Variants in SYNE2 observed in about 807,000 individuals in gnomAD.
SYNE2 encodes the protein spectrin repeat containing nuclear envelope protein 2, also known as nesprin-2.
Under a neutral mutation model 856.3 loss-of-function variants are expected in SYNE2, and 431 were observed. The observed-to-expected ratio is 0.50, with a 90% CI of 0.47 to 0.55. SYNE2 has a LOEUF of 0.55. Among genes scored for constraint, SYNE2 ranks in the 20% least tolerant of loss-of-function variants. The pLI, the probability that SYNE2 is intolerant of heterozygous loss-of-function variation, is 0.00. For missense variants in SYNE2, 8,129 were observed against 8,023.2 expected, an observed-to-expected ratio of 1.01 and a Z score of -0.50; for synonymous variants, 2,923 against 2,872.3, an observed-to-expected ratio of 1.02 and a Z score of -0.56.
chr14:63,766,815 C>A (rs1469068237), intron 1 of SYNE2, among the ~76,000 whole-genome samples: 2 of 152,120 alleles, frequency 1.3e-5, no homozygotes, highest in Admixed American at 6.6e-5. Flanking sequence ...CCTTAGATCT[C>A]CTTCTTTGTT....
At chr14:63,777,219 TA>T (rs1887144305) in intron 1 of SYNE2, among the ~76,000 whole-genome samples, 2 of 152,246 alleles carry the variant, frequency 1.3e-5, no homozygotes, top group African/African-American at 4.8e-5. Flanking sequence ...CCTTGACTGC[TA>T]TGACAGAATA....
chr14:63,995,346 C>T (rs2096704967), intron 23 of SYNE2, 144 bp downstream of exon 23: 2 of 640,812 alleles, frequency 3.1e-6, no homozygotes, highest in Non-Finnish European at 5.4e-6. Context: ...TTCTTTGCTT[C>T]ACACTCGCAG....
intron 64 of SYNE2, among the ~76,000 whole-genome samples, chr14:64,103,996 C>T (rs555979615): frequency 5.3e-5 from 8 of 152,296 alleles, no homozygotes; most frequent in African/African-American, 9.6e-5. Flanking sequence ...ACACCTGATA[C>T]GATTTCATGA....
At chr14:64,215,542 A>G (rs993161072) in intron 107 of SYNE2, 188 bp downstream of exon 107, 1 of 681,444 alleles carries the variant, frequency 1.5e-6, no homozygotes, top group Non-Finnish European at 2.6e-6. Flanking sequence ...AACCCCATCC[A>G]AGCCAGAGCC....
In SYNE2 at chr14:64,027,706, C is replaced by T. The variant is rs1377354872; in HGVS notation, c.6627C>T (p.Leu2209=). ...LKELKSQGNY[L]LECTKNPSFS... is the part of the protein sequence containing the mutation. ...AGTTAAAATCTCAGGGAAACTACCT[C>T]TTGGAGTGCACTAAAAATCCCAGCT... Residue 2209 remains leucine, a synonymous_variant, in exon 43 of 116, where the codon CTC becomes CTT. Transcript: ENST00000555002. 1 of 1,614,094 alleles carries T rather than the reference C, an allele frequency of 6.2e-7. No homozygotes were observed. The highest frequency in any genetic ancestry group is 2.2e-5 in the East Asian group (1 of 44,860).
chr14:63,810,002 A>G, intron 1 of SYNE2, among the ~76,000 whole-genome samples: 1 of 152,150 alleles, frequency 6.6e-6, no homozygotes, highest in East Asian at 1.9e-4. Flanking sequence ...GCAGGAGGAT[A>G]TCTTAAGGCC....
chr14:63,908,967 G>A, intron 1 of SYNE2, 131 bp from the exon 2 acceptor site: 3 of 612,258 alleles, frequency 4.9e-6, no homozygotes, highest in East Asian at 2.9e-5. Flanking sequence ...CATGAACCAT[G>A]GAAGCACATA....
chr14:64,090,562 G>C (rs1315430834), intron 59 of SYNE2, among the ~76,000 whole-genome samples: 1 of 152,150 alleles, frequency 6.6e-6, no homozygotes, highest in Non-Finnish European at 1.5e-5. Flanking sequence ...ATTGCTCACT[G>C]CCTAGTGACA....
chr14:64,165,515 C>CTTTTT lies in SYNE2; in HGVS notation c.16605+107_16605+108insTTTTT. On this transcript the variant is annotated intron_variant, in intron 90 of 115. Coordinates refer to ENST00000555002, the MANE Select transcript of SYNE2 (RefSeq NM_182914.3). ...TGGAATGCTTGCATCCTAACTCACT[C>CTTTTT]TTATTTTTTTTTTTTGAGACGGACT... 7 of 1,289,162 alleles carry CTTTTT rather than the reference C, an allele frequency of 5.4e-6. No homozygotes were observed. The African/African-American group carries it at 1.0e-4, about 19-fold the overall frequency. The allele number at this position is 1,289,162 out of a possible 1,614,324, so 79.9% of individuals were successfully genotyped here.
chr14:64,074,671 A>G (rs2097442586), intron 53 of SYNE2, among the ~76,000 whole-genome samples: 1 of 152,190 alleles, frequency 6.6e-6, no homozygotes, highest in South Asian at 2.1e-4. Flanking sequence ...CCAGGCAGGC[A>G]GATCACTTGG....
chr14:64,009,293 T>G (rs1028005076), intron 31 of SYNE2, among the ~76,000 whole-genome samples: 1 of 152,112 alleles, frequency 6.6e-6, no homozygotes, highest in Non-Finnish European at 1.5e-5. Context: ...CCCAGCACTT[T>G]GGGAGGCCAA....
chr14:63,763,833 ATTTATTT>A (rs1886580150), intron 1 of SYNE2, among the ~76,000 whole-genome samples: 2 of 152,036 alleles, frequency 1.3e-5, no homozygotes, highest in African/African-American at 2.4e-5. Flanking sequence ...TGCCCAGCTA[ATTTATTT>A]TTTATTTTTT....
chr14:64,137,793 A>C lies in SYNE2; in HGVS notation c.14653A>C (p.Lys4885Gln). 6.2e-7 allele frequency: 1 copy of C among 1,614,202 alleles called. No homozygotes were observed. Among genetic ancestry groups the C allele is most frequent in the Non-Finnish European group, 8.5e-7 (1 of 1,180,032 alleles). The change falls in exon 79 of 116, where the codon AAA (lysine) becomes CAA (glutamine). Residue 4885 changes from lysine to glutamine, a missense_variant. By Grantham distance (53) the Lys-to-Gln change is moderately conservative. This residue lies in a region of SYNE2 where 5,410 missense variants were observed against 5,284.8 expected (regional missense o/e 1.02). Coordinates refer to ENST00000555002, the MANE Select transcript of SYNE2 (RefSeq NM_182914.3). ...TGACTTTACTTTTTATTAGCAAATA[A>C]AAAGAAACATTGGTGGAAAACACGC... ...VERISFYQQI[K>Q]RNIGGKHARL...
chr14:63,887,661 T>C (rs904774702), intron 1 of SYNE2, among the ~76,000 whole-genome samples: 29 of 152,222 alleles, frequency 1.9e-4, no homozygotes, highest in Non-Finnish European at 3.8e-4. Flanking sequence ...ACTGGTTTTT[T>C]TTCCCCCCCA....
chr14:63,971,698 T>A (rs1229089492), intron 11 of SYNE2, among the ~76,000 whole-genome samples: 1 of 152,130 alleles, frequency 6.6e-6, no homozygotes, highest in Non-Finnish European at 1.5e-5. Context: ...AGATCTGAGT[T>A]TCTATTGAGC....
chr14:64,217,111 A>T lies in SYNE2; in HGVS notation c.19542+724A>T, dbSNP rs2098670240. On this transcript the variant is annotated intron_variant, in intron 108 of 115. Coordinates refer to ENST00000555002, the MANE Select transcript of SYNE2 (RefSeq NM_182914.3). The stretch of plus-strand genomic sequence containing the variant: ...GTGTGCTGCAGTGGACACGGATTTG[A>T]TTCCTAGCCCTGCCAATCCATTGCC... 3.3e-5 allele frequency among the ~76,000 whole-genome samples: 5 copies of T among 152,174 alleles called. 1 individual carries two copies. The South Asian group carries it at 1.0e-3, about 31-fold the overall frequency.
intron 1 of SYNE2, among the ~76,000 whole-genome samples, chr14:63,802,440 C>A (rs1486860007): frequency 1.3e-5 from 2 of 152,008 alleles, no homozygotes; most frequent in East Asian, 3.9e-4. Flanking sequence ...GGCTCACAGG[C>A]AGAAAGAACT....
chr14:63,845,748 T>C (rs1055286497), intron 1 of SYNE2, among the ~76,000 whole-genome samples: 7 of 150,480 alleles, frequency 4.7e-5, no homozygotes, highest in East Asian at 1.9e-4. Context: ...CTTTTCTTTT[T>C]TTTTTTTTTT....
chr14:64,090,914 G>T lies in SYNE2; in HGVS notation c.11842G>T (p.Val3948Leu), dbSNP rs2097606818. The T allele has an allele frequency of 6.2e-7, 1 of 1,614,122 alleles. No homozygotes were observed. Among genetic ancestry groups the T allele is most frequent in the Admixed American group, 1.7e-5 (1 of 60,016 alleles). Residue 3948 changes from valine to leucine, a missense_variant, in exon 60 of 116, where the codon GTG becomes TTG. Coordinates refer to ENST00000555002, the MANE Select transcript of SYNE2 (RefSeq NM_182914.3). Reference sequence around the variant, plus strand: ...CATGAAGAAAACCATTGCTGAGATAGTGTCTTACCAAGTGGAACTGAGGTT... The same window carrying T: ...CATGAAGAAAACCATTGCTGAGATATTGTCTTACCAAGTGGAACTGAGGTT... ...RPMKKTIAEI[V>L]SYQVELRLPQ...
Sources: gnomAD v4.1 joint callset for allele counts (sites outside exome capture counted in the v4.1 genomes callset) on GRCh38, gnomAD v4.1.1 for gene constraint, gnomAD v4.1.1 regional missense constraint, MANE v1.5 for transcripts, NCBI Gene and HGNC (gene_info 2026-07-23, HGNC 2026-07-21) for gene names.